IPO7: variants seen among roughly 807,000 people sequenced by gnomAD.
IPO7 encodes the protein importin 7.
Under a neutral mutation model 136.4 loss-of-function variants are expected in IPO7, and 13 were observed. The ratio of observed to expected loss-of-function variants is 0.10; its 90% confidence interval spans 0.06 to 0.15. The LOEUF (loss-of-function observed/expected upper bound fraction) is 0.15. IPO7 is among the 10% of genes least tolerant of loss of function. IPO7 has a pLI of 1.00. For synonymous variants in IPO7, 403 were observed against 404.4 expected (o/e 1.00, Z 0.04); for missense variants, 857 against 1,240.6 (o/e 0.69, Z 4.65).
intron 23 of IPO7, among the ~76,000 whole-genome samples, chr11:9,440,918 C>T (rs1012965100): frequency 1.3e-5 from 2 of 152,112 alleles, no homozygotes; most frequent in Non-Finnish European, 2.9e-5. Flanking sequence ...AGTGACAGTG[C>T]CTCTTTGCTA....
Position 9,423,011 on chromosome 11 carries a change from AT to A in IPO7, c.914del (p.Leu305Ter). The A allele has an allele frequency of 6.5e-7, 1 of 1,528,806 alleles. No individual in the cohort carries two copies. Among genetic ancestry groups the A allele is most frequent in the Non-Finnish European group, 8.8e-7 (1 of 1,137,478 alleles). 94.7% of individuals were successfully genotyped at this position (1,528,806 alleles called of 1,614,324 possible). A position where few individuals can be genotyped will look rare whatever the true frequency, so the allele number is the denominator to read the frequency against. On this transcript the variant is annotated frameshift_variant, in exon 9 of 25. Transcript: ENST00000379719. LOFTEE classifies it high-confidence loss of function. ...ATCGAAAATTTTTTTCCAAGGTTTT[AT>A]TGAAGGTGTTATATCAGTACAAGGA... ...AFAVGVQQVL[L>X]KVLYQYKEKQ...
chr11:9,417,283 G>T (rs1855054642), intron 6 of IPO7, 135 bp downstream of exon 6: 1 of 471,992 alleles, frequency 2.1e-6, no homozygotes, highest in Non-Finnish European at 3.8e-6. Context: ...TAGATTAGAG[G>T]TACCTTTTCA....
rs377585679 is a variant in IPO7 at position 9,423,848 on chromosome 11, C to T, written c.1113C>T (p.Asp371=). The part of the protein sequence containing the change: ...TDADEELWQE[D]PYEYIRMKFD... ...CTGATGAGGAACTTTGGCAAGAAGA[C>T]CCTTACGAATATATACGCATGAAGT... Residue 371 remains aspartate, a synonymous_variant, in exon 10 of 25, where the codon GAC becomes GAT. Coordinates refer to ENST00000379719, the MANE Select transcript of IPO7 (RefSeq NM_006391.3). 1 of 1,605,656 alleles carries T rather than the reference C, an allele frequency of 6.2e-7. No individual in the cohort carries two copies. The highest frequency in any genetic ancestry group is 8.5e-7 in the Non-Finnish European group (1 of 1,173,438).
At chr11:9,394,190 AATT>A (rs1854677836) in intron 1 of IPO7, among the ~76,000 whole-genome samples, 1 of 152,048 alleles carries the variant, frequency 6.6e-6, no homozygotes, top group Non-Finnish European at 1.5e-5. Flanking sequence ...TAATTTTTAA[AATT>A]ATTATTAATT....
At chr11:9,426,798 C>T (rs546254889) in intron 12 of IPO7, among the ~76,000 whole-genome samples, 88 of 152,154 alleles carry the variant, frequency 5.8e-4, no homozygotes, top group African/African-American at 2.0e-3. Flanking sequence ...TGCTCTGTCA[C>T]CCAGGCTGGA....
chr11:9,415,306 G>A (rs1408103311), intron 5 of IPO7, among the ~76,000 whole-genome samples: 2 of 148,748 alleles, frequency 1.3e-5, no homozygotes, highest in Non-Finnish European at 3.0e-5. Flanking sequence ...TGGGCAACAA[G>A]AGCAAAACTC....
chr11:9,422,748 G>A (rs1855151196), intron 8 of IPO7, among the ~76,000 whole-genome samples: 2 of 152,124 alleles, frequency 1.3e-5, no homozygotes, highest in South Asian at 4.1e-4. Context: ...AGGAGTTAGA[G>A]ACCAGCCGGG....
chr11:9,399,685 C>G (rs891582545), intron 1 of IPO7, among the ~76,000 whole-genome samples: 2 of 152,042 alleles, frequency 1.3e-5, no homozygotes, highest in Admixed American at 1.3e-4. Context: ...ATGACCAAGT[C>G]CTGGTGAATT....
At position 9,423,829 on chromosome 11, in the gene IPO7, A is replaced by C; in HGVS notation, c.1094A>C (p.Glu365Ala). The C allele has an allele frequency of 1.2e-6, 2 of 1,610,992 alleles. No individual in the cohort carries two copies. The highest frequency in any genetic ancestry group is 1.7e-6 in the Non-Finnish European group (2 of 1,177,984). The change falls in exon 10 of 25, where the codon GAG becomes GCG. Residue 365 changes from glutamate to alanine, a missense_variant. Coordinates refer to ENST00000379719, the MANE Select transcript of IPO7 (RefSeq NM_006391.3). ...TTGATGTGCTATACAGATGCTGATG[A>C]GGAACTTTGGCAAGAAGACCCTTAC... Reference protein sequence around the residue: ...FPLMCYTDADEELWQEDPYEY... With the variant: ...FPLMCYTDADAELWQEDPYEY...
At chr11:9,412,568 C>T (rs963415264) in intron 4 of IPO7, among the ~76,000 whole-genome samples, 1 of 152,168 alleles carries the variant, frequency 6.6e-6, no homozygotes, top group Non-Finnish European at 1.5e-5. Flanking sequence ...GTAATCCCAA[C>T]ACTTTGGGAA....
intron 2 of IPO7, among the ~76,000 whole-genome samples, chr11:9,406,123 T>TG (rs1854883328): frequency 7.1e-6 from 1 of 141,646 alleles, no homozygotes; most frequent in South Asian, 2.3e-4. Context: ...TTTTTTTTTT[T>TG]TTTTTTTTTA....
Position 9,438,061 on chromosome 11 carries a change from T to A in IPO7, c.2490-19T>A. On this transcript the variant is annotated intron_variant, in intron 21 of 24. Transcript: ENST00000379719. ...AAGAAAACAGTTTTTTTTTTTTTTT[T>A]TTTTTTTTTTTTTTTTAGGCTTCAT... is the stretch of plus-strand genomic sequence containing the variant. 2 of 762,112 alleles carry A rather than the reference T, an allele frequency of 2.6e-6. No homozygotes were observed. The highest frequency in any genetic ancestry group is 3.5e-6 in the Non-Finnish European group (2 of 577,952). The allele number at this position is 762,112 out of a possible 1,614,324, so 47.2% of individuals were successfully genotyped here.
chr11:9,399,212 G>T (rs1483656049), intron 1 of IPO7, among the ~76,000 whole-genome samples: 2 of 150,552 alleles, frequency 1.3e-5, no homozygotes, highest in Non-Finnish European at 2.9e-5. Flanking sequence ...TGCCCAGGCT[G>T]GAGTACAATG....
intron 16 of IPO7, 63 bp from the exon 17 acceptor site, chr11:9,433,507 C>T (rs190790164): frequency 1.4e-4 from 147 of 1,079,394 alleles, no homozygotes; most frequent in Non-Finnish European, 1.6e-4. Flanking sequence ...TTATAATATG[C>T]GTTGTCTTAC....
chr11:9,431,771 C>T (rs779337036), intron 16 of IPO7, among the ~76,000 whole-genome samples: 26 of 151,982 alleles, frequency 1.7e-4, no homozygotes, highest in Non-Finnish European at 2.6e-4. Flanking sequence ...GTCAGGAGTT[C>T]GAGACCAGCC....
chr11:9,397,548 A>G (rs971857297), intron 1 of IPO7, among the ~76,000 whole-genome samples: 5 of 150,900 alleles, frequency 3.3e-5, no homozygotes, highest in Admixed American at 2.0e-4. Flanking sequence ...TTGTTCCAAC[A>G]TGGCTTCCAA....
intron 24 of IPO7, among the ~76,000 whole-genome samples, chr11:9,442,683 G>C (rs1363801510): frequency 6.6e-6 from 1 of 151,958 alleles, no homozygotes; most frequent in African/African-American, 2.4e-5. Context: ...AAACTGCTGA[G>C]ATTACAGGCG....
chr11:9,384,927 A>G, intron 1 of IPO7, 80 bp downstream of exon 1: 1 of 1,115,706 alleles, frequency 9.0e-7, no homozygotes, highest in Non-Finnish European at 1.3e-6. Flanking sequence ...GCCTGGCCGG[A>G]GGCGCGGACG....
chr11:9,429,856 T>C (rs759767203), intron 15 of IPO7, 22 bp downstream of exon 15: 12 of 1,547,258 alleles, frequency 7.8e-6, no homozygotes, highest in Non-Finnish European at 8.7e-6. Context: ...GAACCTACCA[T>C]ATTTGCAAGC....
Sources: allele counts gnomAD v4.1 joint callset (sites outside exome capture counted in the v4.1 genomes callset), GRCh38; gene constraint gnomAD v4.1.1; transcripts MANE v1.5; gene names NCBI Gene and HGNC (gene_info 2026-07-23, HGNC 2026-07-21).